The following CRYBA1 variants were observed in gnomAD, a reference collection of about 807,000 sequenced individuals.
CRYBA1 encodes crystallin beta A1, also known as beta-crystallin A3.
Under a neutral mutation model 36.2 loss-of-function variants are expected in CRYBA1, and 25 were observed. The ratio of observed to expected loss-of-function variants is 0.69; its 90% CI spans 0.50 to 0.97. The LOEUF is 0.97. CRYBA1 is among the 50% of genes least tolerant of loss of function. The pLI is 0.00. For missense variants in CRYBA1, 224 were observed against 276.3 expected, an observed-to-expected ratio of 0.81 and a Z score of 1.34; for synonymous variants, 111 against 90.0, an observed-to-expected ratio of 1.23 and a Z score of -1.32.
chr17:29,251,598 C>G (rs1319791260), intron 3 of CRYBA1, among the ~76,000 whole-genome samples: 1 of 152,094 alleles, frequency 6.6e-6, no homozygotes, highest in Non-Finnish European at 1.5e-5. Flanking sequence ...GCTCAACCCT[C>G]AGCCCCCTGA....
chr17:29,254,231 G>C lies in CRYBA1; in HGVS notation c.530G>C (p.Arg177Pro). ...GTTTGCTACCAATATCCTGGATATC[G>C]TGGGTATCAGTATATCTTGGAATGT... ...AWVCYQYPGY[R>P]GYQYILECDH... Residue 177 changes from arginine to proline, a missense_variant, in exon 6 of 6, where the codon CGT (arginine) becomes CCT (proline). By Grantham distance (103) the Arg-to-Pro change is moderately radical. Coordinates refer to ENST00000225387, the MANE Select transcript of CRYBA1 (RefSeq NM_005208.5). The C allele has an allele frequency of 6.2e-7, 1 of 1,614,034 alleles. No individual in the cohort carries two copies. Among genetic ancestry groups the C allele is most frequent in the Non-Finnish European group, 8.5e-7 (1 of 1,179,970 alleles).
chr17:29,249,924 A>C (rs2068925075), intron 2 of CRYBA1, among the ~76,000 whole-genome samples: 1 of 152,166 alleles, frequency 6.6e-6, no homozygotes. Context: ...ATTGGTCTAG[A>C]TATTATCCCT....
chr17:29,254,350 C>CT lies in CRYBA1; in HGVS notation c.*2dup. The CT allele has an allele frequency of 6.2e-7, 1 of 1,614,094 alleles. No homozygotes were observed. The highest frequency in any genetic ancestry group is 1.3e-5 in the African/African-American group (1 of 75,020). On this transcript the variant is annotated 3_prime_UTR_variant, in exon 6 of 6. Transcript: ENST00000225387. ...ATCGATTCGCCGAATCCAACAGTAG[C>CT]TGATTAAAAGCTCCAAGTACGATAA...
At chr17:29,253,014 T>C (rs967868415) in intron 4 of CRYBA1, among the ~76,000 whole-genome samples, 2 of 152,236 alleles carry the variant, frequency 1.3e-5, no homozygotes, top group African/African-American at 4.8e-5. Context: ...TACAGTAAAA[T>C]GCACAGACCC....
At chr17:29,249,803 A>G (rs949708863) in intron 2 of CRYBA1, among the ~76,000 whole-genome samples, 1 of 152,214 alleles carries the variant, frequency 6.6e-6, no homozygotes, top group Non-Finnish European at 1.5e-5. Context: ...GTATGGCTGG[A>G]GAAGCTAAGA....
intron 1 of CRYBA1, 73 bp downstream of exon 1, chr17:29,246,967 A>G (rs1195574615): frequency 6.5e-5 from 97 of 1,483,964 alleles, no homozygotes; most frequent in Non-Finnish European, 8.7e-5. Context: ...GAGAGGGCCC[A>G]GTTCTCCTGC....
chr17:29,251,017 G>A (rs150702366), intron 3 of CRYBA1, among the ~76,000 whole-genome samples: 473 of 152,278 alleles, frequency 3.1e-3, no homozygotes, highest in African/African-American at 0.011. Flanking sequence ...TTTAAAAGAT[G>A]TAACACTTTA....
In CRYBA1 at chr17:29,250,066, T is replaced by A. The variant is rs550059981; in HGVS notation, c.97-116T>A. ...ACACTGGAAGAGACCTCATCAGGCA[T>A]CCCAGGCTACAGCTGGTAACAGAAA... is the stretch of plus-strand genomic sequence containing the variant. On this transcript the variant is annotated intron_variant, in intron 2 of 5. Transcript: ENST00000225387. The A allele has an allele frequency of 5.2e-6, 4 of 771,706 alleles. No individual in the cohort carries two copies. In the East Asian group the frequency reaches 9.8e-5, roughly 19 times the overall value. The allele number at this position is 771,706 out of a possible 1,614,324, so 47.8% of individuals were successfully genotyped here.
chr17:29,250,384 A>C, intron 3 of CRYBA1, 84 bp downstream of exon 3: 1 of 826,934 alleles, frequency 1.2e-6, no homozygotes, highest in East Asian at 2.4e-5. Context: ...TAGGGGAAGA[A>C]GGATGTTCCC....
chr17:29,250,593 C>CT (rs1425941115), intron 3 of CRYBA1, among the ~76,000 whole-genome samples: 1 of 152,126 alleles, frequency 6.6e-6, no homozygotes, highest in Non-Finnish European at 1.5e-5. Flanking sequence ...TCACAGGCTG[C>CT]TACCTAGGGT....
At chr17:29,253,559 AGT>A (rs1236403156) in intron 4 of CRYBA1, 79 bp from the exon 5 acceptor site, 14 of 1,182,494 alleles carry the variant, frequency 1.2e-5, no homozygotes, top group Middle Eastern at 2.0e-4. Context: ...ATAATCCAAA[AGT>A]GTTTCAATTT....
intron 3 of CRYBA1, among the ~76,000 whole-genome samples, chr17:29,251,700 A>G (rs778509458): frequency 3.9e-5 from 6 of 152,122 alleles, no homozygotes; most frequent in Non-Finnish European, 7.4e-5. Context: ...GCTGGTCTCC[A>G]ACTCATGGGC....
chr17:29,252,577 T>C (rs1299464694), intron 4 of CRYBA1, among the ~76,000 whole-genome samples: 1 of 152,140 alleles, frequency 6.6e-6, no homozygotes, highest in Non-Finnish European at 1.5e-5. Flanking sequence ...AATGCTGAAG[T>C]AACCTTTCAG....
intron 3 of CRYBA1, 41 bp from the exon 4 acceptor site, chr17:29,252,023 G>A: frequency 6.2e-7 from 1 of 1,614,040 alleles, no homozygotes; most frequent in Admixed American, 1.7e-5. Flanking sequence ...AGGCCATATA[G>A]GCTTTGAACA....
rs769006488 is a variant in CRYBA1 at position 29,252,215 on chromosome 17, T to G, written c.357+10T>G. On this transcript the variant is annotated intron_variant, in intron 4 of 5. Transcript: ENST00000225387. Reference sequence around the variant, plus strand: ...CCCCATCTGTTCAGCTGTGAGTCTCTGAAATTTCCACTTCCGTGCATATGA... The same window carrying G: ...CCCCATCTGTTCAGCTGTGAGTCTCGGAAATTTCCACTTCCGTGCATATGA... 6 of 1,614,034 alleles carry G rather than the reference T, an allele frequency of 3.7e-6. No homozygotes were observed. Among genetic ancestry groups the G allele is most frequent in the Non-Finnish European group, 5.1e-6 (6 of 1,180,002 alleles).
chr17:29,250,508 A>G (rs1244088405), intron 3 of CRYBA1, among the ~76,000 whole-genome samples: 1 of 152,142 alleles, frequency 6.6e-6, no homozygotes, highest in Non-Finnish European at 1.5e-5. Flanking sequence ...TTGGTACTAG[A>G]TTTCAGGGGC....
At chr17:29,253,593 G>T (rs764584937) in intron 4 of CRYBA1, 47 bp from the exon 5 acceptor site, 9 of 1,461,708 alleles carry the variant, frequency 6.2e-6, no homozygotes, top group Non-Finnish European at 8.6e-6. Flanking sequence ...AAGAATGATA[G>T]CCATAGCACT....
chr17:29,254,482 TA>T lies in CRYBA1; in HGVS notation c.*145del, dbSNP rs371972959. The T allele has an allele frequency of 0.031, 20,694 of 672,328 alleles. No homozygotes were observed. The highest frequency in any genetic ancestry group is 0.038 in the East Asian group (1,063 of 28,194). The allele number at this position is 672,328 out of a possible 1,614,324, so 41.6% of individuals were successfully genotyped here. Reference sequence around the variant, plus strand: ...GCTGAAATCCACAATAAACGTCATTTAAAAAAAAAAAACTTTGTAGACTGAA... The same window carrying T: ...GCTGAAATCCACAATAAACGTCATTTAAAAAAAAAAACTTTGTAGACTGAA... On this transcript the variant is annotated 3_prime_UTR_variant, in exon 6 of 6. Transcript: ENST00000225387.
Position 29,254,361 on chromosome 17 carries a change from C to T in CRYBA1, c.*12C>T, listed in dbSNP as rs774660772. Reference sequence around the variant, plus strand: ...GAATCCAACAGTAGCTGATTAAAAGCTCCAAGTACGATAATTCCTCAAGCA... The same window carrying T: ...GAATCCAACAGTAGCTGATTAAAAGTTCCAAGTACGATAATTCCTCAAGCA... On this transcript the variant is annotated 3_prime_UTR_variant, in exon 6 of 6. Transcript: ENST00000225387. The T allele has an allele frequency of 6.2e-7, 1 of 1,613,940 alleles. No individual in the cohort carries two copies. Among genetic ancestry groups the T allele is most frequent in the Non-Finnish European group, 8.5e-7 (1 of 1,179,880 alleles).
Sources: allele counts gnomAD v4.1 joint callset (sites outside exome capture counted in the v4.1 genomes callset), GRCh38; gene constraint gnomAD v4.1.1; transcripts MANE v1.5; gene names NCBI Gene and HGNC (gene_info 2026-07-23, HGNC 2026-07-21).